The following MCCC1 variants were observed in gnomAD, a reference collection of about 807,000 sequenced individuals.
MCCC1 encodes the protein methylcrotonoyl-CoA carboxylase subunit alpha, mitochondrial.
MCCC1 carries 64 observed loss-of-function variants against 83.8 expected under a neutral mutation model. That is an observed-to-expected ratio of 0.76 (90% CI 0.62 to 0.94). The LOEUF is 0.94. Among genes scored for constraint, MCCC1 ranks in the 40% least tolerant of loss-of-function variants. The pLI is 0.00. For missense variants in MCCC1, 807 were observed against 904.7 expected (o/e 0.89, Z 1.39); for synonymous variants, 322 against 315.4 (o/e 1.02, Z -0.22).
intron 7 of MCCC1, 103 bp downstream of exon 7, chr3:183,070,896 T>C (rs974311426): frequency 7.6e-6 from 10 of 1,315,082 alleles, no homozygotes; most frequent in Middle Eastern, 2.5e-4. Context: ...CTTGTAATAA[T>C]ATACTTATAT....
intron 4 of MCCC1, among the ~76,000 whole-genome samples, chr3:183,083,316 C>T (rs1234898632): frequency 6.6e-6 from 1 of 152,106 alleles, no homozygotes; most frequent in South Asian, 2.1e-4. Flanking sequence ...ACCAAATTTC[C>T]TTTCTGATCA....
At position 183,037,242 on chromosome 3, in the gene MCCC1, C is replaced by G. The variant is rs200031275; in HGVS notation, c.1570G>C (p.Asp524His). ...GLILKEKAMT[D>H]TFTLQAHDQF... The stretch of plus-strand genomic sequence containing the variant: ...CCATGTGCCTGAAGAGTGAAAGTGT[C>G]GGTCATGGCTTTCTCCTTGAGGATG... The change falls in exon 13 of 19, where the codon GAC becomes CAC. Residue 524 changes from aspartate to histidine, a missense_variant. Asp to His is a moderately conservative substitution (Grantham distance 81). Transcript: ENST00000265594. The G allele has an allele frequency of 2.5e-6, 4 of 1,613,638 alleles. No individual in the cohort carries two copies. In the East Asian group the frequency reaches 8.9e-5, roughly 36 times the overall value.
At chr3:183,053,499 A>G (rs775311989) in intron 8 of MCCC1, among the ~76,000 whole-genome samples, 9 of 151,952 alleles carry the variant, frequency 5.9e-5, no homozygotes, top group Non-Finnish European at 1.3e-4. Flanking sequence ...AAAAATTTTA[A>G]TTTAATTTAA....
At chr3:183,065,557 GT>G (rs1245226843) in intron 7 of MCCC1, among the ~76,000 whole-genome samples, 1 of 151,418 alleles carries the variant, frequency 6.6e-6, no homozygotes, top group African/African-American at 2.4e-5. Flanking sequence ...AGTGAAATGC[GT>G]TTTTTTTGTT....
rs565662458 is a variant in MCCC1 at position 183,037,395 on chromosome 3, G to A, written c.1417C>T (p.Leu473=). The A allele has an allele frequency of 6.2e-7, 1 of 1,614,166 alleles. No homozygotes were observed. Among genetic ancestry groups the A allele is most frequent in the Admixed American group, 1.7e-5 (1 of 60,024 alleles). The stretch of plus-strand genomic sequence containing the variant: ...GCTTCAAACTCTGGGTGGCCAGACA[G>A]GTTGAGTAAGAAGTCAATGTTGGTG... ...LHTNIDFLLN[L]SGHPEFEAGN... Residue 473 remains leucine (L), a synonymous_variant, in exon 13 of 19, where the codon CTG becomes TTG. Transcript: ENST00000265594.
chr3:183,043,877 A>C (rs1270840264), intron 10 of MCCC1, among the ~76,000 whole-genome samples: 1 of 152,220 alleles, frequency 6.6e-6, no homozygotes, highest in Non-Finnish European at 1.5e-5. Flanking sequence ...TGCTTCAGAA[A>C]AATTATCCTC....
chr3:183,100,773 C>T (rs966561478), upstream of MCCC1, among the ~76,000 whole-genome samples: 1 of 152,268 alleles, frequency 6.6e-6, no homozygotes, highest in African/African-American at 2.4e-5. Context: ...GGCACCTCCC[C>T]TGCCTGGGCT....
intron 3 of MCCC1, among the ~76,000 whole-genome samples, chr3:183,087,998 G>A (rs1718027790): frequency 6.6e-6 from 1 of 152,034 alleles, no homozygotes; most frequent in Non-Finnish European, 1.5e-5. Flanking sequence ...CATAAAGGTG[G>A]GAGGAAAACT....
In MCCC1 at chr3:183,066,995, C is replaced by T. The variant is rs986342780; in HGVS notation, c.761+4004G>A. The stretch of plus-strand genomic sequence containing the variant: ...AATTATTTGTGACTATCTTAACTTA[C>T]GGCAATATAGTTATTTGCATAAATG... On this transcript the variant is annotated intron_variant, in intron 7 of 18. Coordinates refer to ENST00000265594, the MANE Select transcript of MCCC1 (RefSeq NM_020166.5). 3.3e-5 allele frequency among the ~76,000 whole-genome samples: 5 copies of T among 152,222 alleles called. No homozygotes were observed. The South Asian group carries it at 6.2e-4, about 19-fold the overall frequency.
chr3:183,115,849 T>A (rs1190391954), exon 1 of MCCC1: 1 of 151,366 alleles, frequency 6.6e-6, no homozygotes, highest in Non-Finnish European at 1.5e-5. Flanking sequence ...CAAAACTCCA[T>A]CTCAAATTAA....
intron 4 of MCCC1, among the ~76,000 whole-genome samples, chr3:183,086,196 C>A (rs1717878091): frequency 1.3e-5 from 2 of 152,176 alleles, no homozygotes; most frequent in African/African-American, 4.8e-5. Flanking sequence ...TGCCTTCACT[C>A]CAACCACACT....
At chr3:183,071,385 C>A (rs1341413395) in intron 5 of MCCC1, 28 bp from the exon 6 acceptor site, 11 of 1,613,920 alleles carry the variant, frequency 6.8e-6, no homozygotes, top group African/African-American at 1.3e-5. Flanking sequence ...AAACAACATG[C>A]CCCAAATTCT....
At chr3:183,027,667 T>C (rs950339075) in intron 14 of MCCC1, among the ~76,000 whole-genome samples, 3 of 152,116 alleles carry the variant, frequency 2.0e-5, no homozygotes, top group Non-Finnish European at 4.4e-5. Context: ...ATAATGATAA[T>C]AATAAATACT....
At chr3:183,024,385 G>A (rs184937013) in intron 15 of MCCC1, among the ~76,000 whole-genome samples, 18 of 152,326 alleles carry the variant, frequency 1.2e-4, no homozygotes, top group Admixed American at 9.1e-4. Context: ...CTAATGGAAT[G>A]TGTACTTGTG....
chr3:183,059,714 T>G (rs1715684456), intron 7 of MCCC1, among the ~76,000 whole-genome samples: 1 of 152,206 alleles, frequency 6.6e-6, no homozygotes, highest in South Asian at 2.1e-4. Flanking sequence ...TCTCTTCATT[T>G]CTGTTTGTCT....
intron 9 of MCCC1, among the ~76,000 whole-genome samples, chr3:183,050,427 G>T (rs575989798): frequency 3.3e-4 from 50 of 152,154 alleles, no homozygotes; most frequent in Non-Finnish European, 5.7e-4. Flanking sequence ...AGTCGGCCGG[G>T]CGCGGTGGCT....
intron 1 of MCCC1, among the ~76,000 whole-genome samples, chr3:183,114,664 A>T (rs148061778): frequency 6.6e-6 from 1 of 152,220 alleles, no homozygotes; most frequent in African/African-American, 2.4e-5. Context: ...AAGGGGAAGA[A>T]TCTTCACAGG....
intron 1 of MCCC1, among the ~76,000 whole-genome samples, chr3:183,096,045 G>C (rs1430210645): frequency 6.6e-6 from 1 of 152,156 alleles, no homozygotes; most frequent in Non-Finnish European, 1.5e-5. Context: ...CAGCTAAAGA[G>C]GATAAGTGGG....
At chr3:183,024,474 G>A (rs1288998564) in intron 15 of MCCC1, among the ~76,000 whole-genome samples, 1 of 151,930 alleles carries the variant, frequency 6.6e-6, no homozygotes, top group African/African-American at 2.4e-5. Flanking sequence ...AATTGGCAGA[G>A]GACTCGAATA....
Sources: allele counts gnomAD v4.1 joint callset (sites outside exome capture counted in the v4.1 genomes callset), GRCh38; gene constraint gnomAD v4.1.1; transcripts MANE v1.5; gene names NCBI Gene and HGNC (gene_info 2026-07-23, HGNC 2026-07-21).